The following ITSN2 variants were observed in gnomAD, a reference collection of about 807,000 sequenced individuals.
The protein encoded by ITSN2 is intersectin-2.
In ITSN2, 156 loss-of-function variants were observed where a neutral mutation model predicts 243.7. The observed-to-expected ratio is 0.64, with a 90% CI of 0.56 to 0.73. ITSN2 has a LOEUF of 0.73. Ranked by LOEUF, ITSN2 falls within the 30% of genes least tolerant of loss-of-function variation. The pLI is 0.00. For missense variants in ITSN2, 1,801 were observed against 1,996.1 expected, an observed-to-expected ratio of 0.90 and a Z score of 1.86; for synonymous variants, 703 against 699.9, an observed-to-expected ratio of 1.00 and a Z score of -0.07.
In ITSN2 at chr2:24,312,372, A is replaced by C; in HGVS notation, c.192T>G (p.Ala64=). ...TCCCATCCTTGTTTAGGTCTGATAA[A>C]GCCCTAAAAGGAGCATGAGGTAGGT... is the stretch of plus-strand genomic sequence containing the variant. ...LPAPVLAEIW[A]LSDLNKDGKM... is the part of the protein sequence containing the mutation. Residue 64 remains alanine, a synonymous_variant, in exon 5 of 40, where the codon GCT becomes GCG. Transcript: ENST00000355123. 1 of 1,606,110 alleles carries C rather than the reference A, an allele frequency of 6.2e-7. No individual in the cohort carries two copies. Among genetic ancestry groups the C allele is most frequent in the Non-Finnish European group, 8.5e-7 (1 of 1,175,708 alleles).
chr2:24,308,495 TA>T, intron 8 of ITSN2, 121 bp downstream of exon 8: 1 of 567,530 alleles, frequency 1.8e-6, no homozygotes, highest in Non-Finnish European at 2.9e-6. Context: ...AAATGCCTGC[TA>T]AATTTTTTGG....
At chr2:24,255,836 G>C (rs1468963168) in intron 23 of ITSN2, among the ~76,000 whole-genome samples, 1 of 152,144 alleles carries the variant, frequency 6.6e-6, no homozygotes, top group East Asian at 1.9e-4. Flanking sequence ...GATCACCTGA[G>C]GTCGGGAGTT....
intron 29 of ITSN2, chr2:24,239,239 C>G (rs186165470): frequency 7.3e-4 from 111 of 152,554 alleles, no homozygotes; most frequent in Non-Finnish European, 1.0e-3. Flanking sequence ...AAAAGTCATT[C>G]TAAGAAAACC....
intron 29 of ITSN2, among the ~76,000 whole-genome samples, chr2:24,233,020 C>G (rs962189323): frequency 6.6e-6 from 1 of 152,214 alleles, no homozygotes; most frequent in Non-Finnish European, 1.5e-5. Flanking sequence ...CCCTTACACA[C>G]CCTTCTACTC....
At chr2:24,294,690 T>C (rs920056962) in intron 14 of ITSN2, among the ~76,000 whole-genome samples, 1 of 152,192 alleles carries the variant, frequency 6.6e-6, no homozygotes, top group African/African-American at 2.4e-5. Context: ...ATCATAATTT[T>C]AAAAAGAATA....
chr2:24,293,900 A>G (rs1680609140), intron 14 of ITSN2, 125 bp from the exon 15 acceptor site: 3 of 405,006 alleles, frequency 7.4e-6, no homozygotes, highest in Non-Finnish European at 1.3e-5. Context: ...ACATAGTTGT[A>G]AACTGCTTAC....
chr2:24,322,339 A>T (rs911466422), intron 2 of ITSN2, among the ~76,000 whole-genome samples: 1 of 152,206 alleles, frequency 6.6e-6, no homozygotes, highest in African/African-American at 2.4e-5. Flanking sequence ...CAAGGTAATA[A>T]AATTGGTAAG....
intron 2 of ITSN2, among the ~76,000 whole-genome samples, chr2:24,321,586 C>CA (rs1214627596): frequency 6.6e-6 from 1 of 152,162 alleles, no homozygotes; most frequent in African/African-American, 2.4e-5. Context: ...TAAACCTACA[C>CA]ACTTTCTAAA....
intron 37 of ITSN2, chr2:24,205,804 ACTTT>A: frequency 6.0e-6 from 1 of 167,060 alleles, no homozygotes. Context: ...CTGGATACTT[ACTTT>A]GTGTTAGGCA....
At chr2:24,243,648 C>T (rs927504685) in intron 29 of ITSN2, among the ~76,000 whole-genome samples, 4 of 152,010 alleles carry the variant, frequency 2.6e-5, no homozygotes, top group African/African-American at 9.7e-5. Flanking sequence ...AAAAATTTTT[C>T]TGTAGAGATG....
rs1240984688 is a variant in ITSN2 at position 24,249,679 on chromosome 2, CA to C, written c.3121-798del. Among the ~76,000 whole-genome samples, 1 of 152,138 alleles carries C rather than the reference CA, an allele frequency of 6.6e-6. No individual in the cohort carries two copies. The highest frequency in any genetic ancestry group is 1.5e-5 in the Non-Finnish European group (1 of 68,034). On this transcript the variant is annotated intron_variant, in intron 25 of 39. Transcript: ENST00000355123. The surrounding 1 kb of genome is among the most constrained non-coding windows in gnomAD (Gnocchi z 4.4). ...ACTATTAAGTAATTATGATTATCCCCATTTTACAGAGAAGGAAACTGAGGCA... is the reference window on the plus strand; with the variant it reads ...ACTATTAAGTAATTATGATTATCCCCTTTTACAGAGAAGGAAACTGAGGCA...
chr2:24,330,254 G>T (rs11903612), intron 1 of ITSN2: 35 of 347,910 alleles, frequency 1.0e-4, no homozygotes, highest in Admixed American at 3.8e-5. Context: ...CCATTTGTTC[G>T]TCATCACGTA....
chr2:24,266,008 C>T (rs1175818348), intron 20 of ITSN2, among the ~76,000 whole-genome samples: 3 of 152,104 alleles, frequency 2.0e-5, no homozygotes, highest in Non-Finnish European at 4.4e-5. Context: ...CTGTGCTGCC[C>T]TCCTCTAGGG....
chr2:24,349,952 G>A (rs1197124558), intron 1 of ITSN2, among the ~76,000 whole-genome samples: 1 of 152,164 alleles, frequency 6.6e-6, no homozygotes, highest in African/African-American at 2.4e-5. Flanking sequence ...CTGAGTGTGG[G>A]CATGCATAGT....
Position 24,248,761 on chromosome 2 carries a change from A to G in ITSN2, c.3167-11T>C. The G allele has an allele frequency of 6.2e-7, 1 of 1,613,134 alleles. No individual in the cohort carries two copies. Among genetic ancestry groups the G allele is most frequent in the Middle Eastern group, 1.7e-4 (1 of 6,050 alleles). ...TTACCTGAGCAATCTCTGAAAAGAC[A>G]AAGAAGAAACTATGAATTCAAGATT... On this transcript the variant is annotated splice_polypyrimidine_tract_variant and intron_variant, in intron 26 of 39. Transcript: ENST00000355123.
chr2:24,244,999 A>T (rs1027815323), intron 29 of ITSN2, among the ~76,000 whole-genome samples: 1 of 152,204 alleles, frequency 6.6e-6, no homozygotes, highest in Non-Finnish European at 1.5e-5. Flanking sequence ...AATTTAAATG[A>T]AAGGCTAAGT....
At position 24,262,621 on chromosome 2, in the gene ITSN2, A is replaced by C. The variant is rs1431449412; in HGVS notation, c.2356-879T>G. On this transcript the variant is annotated intron_variant, in intron 20 of 39. Transcript: ENST00000355123. ...GTTTCATCACTGGCTTTCTTTCCTC[A>C]TTCTATACCCTTCCTGAATAAGCCC... is the stretch of plus-strand genomic sequence containing the variant. 3.3e-5 allele frequency among the ~76,000 whole-genome samples: 5 copies of C among 152,234 alleles called. 1 individual carries two copies. The highest frequency in any genetic ancestry group is 3.4e-3 in the Middle Eastern group (1 of 294).
chr2:24,350,947 G>A (rs1282590310), intron 1 of ITSN2, among the ~76,000 whole-genome samples: 1 of 152,190 alleles, frequency 6.6e-6, no homozygotes, highest in Non-Finnish European at 1.5e-5. Flanking sequence ...GCACAAGTCT[G>A]TGAATATACT....
At chr2:24,264,228 G>A (rs1469365327) in intron 20 of ITSN2, among the ~76,000 whole-genome samples, 1 of 151,786 alleles carries the variant, frequency 6.6e-6, no homozygotes, top group Non-Finnish European at 1.5e-5. Context: ...CCTGTCTCTA[G>A]TAAAAATACA....
Sources: allele counts gnomAD v4.1 joint callset (sites outside exome capture counted in the v4.1 genomes callset), GRCh38; gene constraint gnomAD v4.1.1; non-coding constraint Gnocchi (gnomAD v3.1); transcripts MANE v1.5; gene names NCBI Gene and HGNC (gene_info 2026-07-23, HGNC 2026-07-21).